SYK: variants seen among roughly 807,000 people sequenced by gnomAD.
The protein encoded by SYK is tyrosine-protein kinase SYK.
SYK carries 16 observed loss-of-function variants against 77.8 expected under a neutral mutation model. The ratio of observed to expected loss-of-function variants is 0.21; its 90% CI spans 0.14 to 0.31. SYK has a LOEUF of 0.31. Ranked by LOEUF, SYK falls within the 10% of genes least tolerant of loss-of-function variation. SYK has a pLI of 1.00. For synonymous variants in SYK, 312 were observed against 308.7 expected (o/e 1.01, Z -0.11); for missense variants, 529 against 814.4 (o/e 0.65, Z 4.26).
chr9:90,855,037 C>CACACACAT (rs779653843), intron 3 of SYK, among the ~76,000 whole-genome samples: 2 of 151,360 alleles, frequency 1.3e-5, no homozygotes, highest in Non-Finnish European at 2.9e-5. Context: ...CACACACACA[C>CACACACAT]ACTTGAGAAC....
chr9:90,881,906 T>G (rs115652389), intron 11 of SYK, among the ~76,000 whole-genome samples: 1,892 of 152,238 alleles, frequency 0.012, 34 homozygotes, highest in African/African-American at 0.043. Context: ...ATCTGGAAAC[T>G]GCCTGACGAC....
At chr9:90,809,278 A>C (rs767193157) in intron 1 of SYK, among the ~76,000 whole-genome samples, 6 of 152,262 alleles carry the variant, frequency 3.9e-5, no homozygotes, top group Non-Finnish European at 7.3e-5. Flanking sequence ...TATGCAGAGT[A>C]TCTAATTCAA....
At chr9:90,860,439 TGTTG>T (rs1827211552) in intron 3 of SYK, among the ~76,000 whole-genome samples, 2 of 34,262 alleles carry the variant, frequency 5.8e-5, no homozygotes, top group Admixed American at 4.2e-4. Flanking sequence ...TGTGGTTTTT[TGTTG>T]TGTTGTGTTG....
chr9:90,821,563 G>A lies in SYK; in HGVS notation c.-42+19670G>A, dbSNP rs141206811. Among the ~76,000 whole-genome samples the A allele has an allele frequency of 3.8e-4, 58 of 152,260 alleles. No individual in the cohort carries two copies. In the East Asian group the frequency reaches 0.011, roughly 28 times the overall value. On this transcript the variant is annotated intron_variant, in intron 1 of 13. Transcript: ENST00000375754. ...GCCCCAGTAATTCAATTACCTCCCC[G>A]TGGGTCCCTCTCACAACATGTGGGA...
chr9:90,834,695 G>C (rs996524934), intron 1 of SYK, among the ~76,000 whole-genome samples: 2 of 152,244 alleles, frequency 1.3e-5, no homozygotes, highest in African/African-American at 4.8e-5. Context: ...GGATAGCTAT[G>C]AATGTGGCCC....
chr9:90,825,838 T>C lies in SYK; in HGVS notation c.-41-18020T>C, dbSNP rs2118454579. Among the ~76,000 whole-genome samples the C allele has an allele frequency of 1.3e-5, 2 of 152,198 alleles. 1 individual carries two copies. The highest frequency in any genetic ancestry group is 4.1e-4 in the South Asian group (2 of 4,822). ...TGAGATGGGAGGGATTGGCAAGGGGTTGACTTTCAGCAGTGTAGAGAAGGG... is the reference window on the plus strand; with the variant it reads ...TGAGATGGGAGGGATTGGCAAGGGGCTGACTTTCAGCAGTGTAGAGAAGGG... On this transcript the variant is annotated intron_variant, in intron 1 of 13. Transcript: ENST00000375754.
chr9:90,801,809 G>A (rs1826740782), upstream of SYK: 1 of 152,144 alleles, frequency 6.6e-6, no homozygotes, highest in African/African-American at 2.4e-5. Context: ...CGGGCCCGGC[G>A]GCTGAGGCCA....
chr9:90,888,429 C>G, intron 12 of SYK, 86 bp from the exon 13 acceptor site: 1 of 907,110 alleles, frequency 1.1e-6, no homozygotes, highest in Non-Finnish European at 1.7e-6. Flanking sequence ...AATGTGTACT[C>G]CTTCATGTCT....
intron 3 of SYK, among the ~76,000 whole-genome samples, chr9:90,847,563 C>T (rs978081450): frequency 2.6e-5 from 4 of 152,252 alleles, no homozygotes; most frequent in Admixed American, 6.5e-5. Flanking sequence ...TCCCTCCACA[C>T]CTGCAGGGCT....
At chr9:90,864,996 G>A (rs1827425506) in intron 5 of SYK, 52 bp from the exon 6 acceptor site, 2 of 1,567,074 alleles carry the variant, frequency 1.3e-6, no homozygotes, top group Admixed American at 1.7e-5. Context: ...GGGAGGGGAA[G>A]GAAGTGGTTT....
rs962944533 is a variant in SYK at position 90,854,163 on chromosome 9, C to T, written c.579-8043C>T. Among the ~76,000 whole-genome samples the T allele has an allele frequency of 1.1e-4, 16 of 152,246 alleles. 1 individual carries two copies. Among genetic ancestry groups the T allele is most frequent in the Non-Finnish European group, 1.6e-4 (11 of 68,018 alleles). On this transcript the variant is annotated intron_variant, in intron 3 of 13. Coordinates refer to ENST00000375754, the MANE Select transcript of SYK (RefSeq NM_003177.7). The stretch of plus-strand genomic sequence containing the variant: ...TTTTCCTTGATGGTGGCAGACTGGC[C>T]GGGTGGTGGAGGGATTGGCACGTGG...
chr9:90,877,319 C>T (rs1827976314), intron 9 of SYK, among the ~76,000 whole-genome samples: 1 of 152,180 alleles, frequency 6.6e-6, no homozygotes, highest in African/African-American at 2.4e-5. Context: ...TGGGGATTGT[C>T]AGCATGAGCC....
chr9:90,874,074 C>T (rs1477805406), intron 7 of SYK, 130 bp from the exon 8 acceptor site: 4 of 765,050 alleles, frequency 5.2e-6, no homozygotes, highest in African/African-American at 1.8e-5. Context: ...CCCTGTTTTT[C>T]GTAATTCTTT....
rs370551918 is a variant in SYK, at chr9:90,845,448, G to A, written c.432G>A (p.Glu144=). 6 of 1,614,062 alleles carry A rather than the reference G, an allele frequency of 3.7e-6. No homozygotes were observed. The highest frequency in any genetic ancestry group is 5.1e-6 in the Non-Finnish European group (6 of 1,179,968). ...QTWNLQGQAL[E]QAIISQKPQL... is the part of the protein sequence containing the mutation. ...CCATGTGGCAGGGTCAGGCTCTGGA[G>A]CAGGCCATCATCAGTCAGAAGCCTC... Residue 144 remains glutamate, a synonymous_variant, in exon 3 of 14, where the codon GAG becomes GAA. Coordinates refer to ENST00000375754, the MANE Select transcript of SYK (RefSeq NM_003177.7).
chr9:90,888,655 A>C, intron 13 of SYK, 28 bp downstream of exon 13: 1 of 1,485,206 alleles, frequency 6.7e-7, no homozygotes, highest in Non-Finnish European at 9.1e-7. Flanking sequence ...ACTGTGATGT[A>C]TTCAGATGCT....
intron 1 of SYK, among the ~76,000 whole-genome samples, chr9:90,842,801 C>A (rs908249153): frequency 2.1e-5 from 3 of 145,280 alleles, no homozygotes; most frequent in Admixed American, 6.9e-5. Flanking sequence ...GTGTGTGTAC[C>A]ATGAGGGACA....
At chr9:90,864,041 A>G (rs1244179769) in intron 4 of SYK, among the ~76,000 whole-genome samples, 2 of 152,338 alleles carry the variant, frequency 1.3e-5, no homozygotes, top group African/African-American at 2.4e-5. Flanking sequence ...AAATGCCAGC[A>G]ATACGTTCCA....
At chr9:90,813,063 T>A (rs1825153384) in intron 1 of SYK, among the ~76,000 whole-genome samples, 1 of 151,990 alleles carries the variant, frequency 6.6e-6, no homozygotes, top group East Asian at 1.9e-4. Flanking sequence ...TCTTTAAGAT[T>A]TTTTTTTAAC....
intron 1 of SYK, among the ~76,000 whole-genome samples, chr9:90,822,636 C>G (rs76737531): frequency 0.028 from 4,236 of 152,260 alleles, 216 homozygotes; most frequent in African/African-American, 0.097. Context: ...TAGTGCACAT[C>G]CACCAGGCGG....
Sources: allele counts gnomAD v4.1 joint callset (sites outside exome capture counted in the v4.1 genomes callset), GRCh38; gene constraint gnomAD v4.1.1; transcripts MANE v1.5; gene names NCBI Gene and HGNC (gene_info 2026-07-23, HGNC 2026-07-21).